TFEC: variants seen among roughly 807,000 people sequenced by gnomAD.
TFEC encodes the protein transcription factor EC.
Under a neutral mutation model 41.6 loss-of-function variants are expected in TFEC, and 31 were observed. The ratio of observed to expected loss-of-function variants is 0.74; its 90% CI spans 0.56 to 1.01. The LOEUF (loss-of-function observed/expected upper bound fraction) is 1.01, where lower values mean the gene tolerates loss of function less well. Among genes scored for constraint, TFEC ranks in the 50% least tolerant of loss-of-function variants. The probability of loss-of-function intolerance (pLI) is 0.00; values close to 1 mark genes in which losing one functional copy is unlikely to be tolerated. For synonymous variants in TFEC, 143 were observed against 140.6 expected, an observed-to-expected ratio of 1.02 and a Z score of -0.12; for missense variants, 402 against 404.1, an observed-to-expected ratio of 0.99 and a Z score of 0.04.
In TFEC at chr7:115,937,036, C is replaced by A. The variant is rs1793261703; in HGVS notation, c.*3515G>T. The A allele has an allele frequency of 6.6e-6, 1 of 151,440 alleles. No homozygotes were observed. Among genetic ancestry groups the A allele is most frequent in the African/African-American group, 2.4e-5 (1 of 41,334 alleles). The allele number at this position is 151,440 out of a possible 1,614,324, so 9.4% of individuals were successfully genotyped here. On this transcript the variant is annotated 3_prime_UTR_variant, in exon 8 of 8. Transcript: ENST00000265440. ...AAAAAATTGTAAAGAGCTGTATCTA[C>A]TCACAGGAGGTCATCATTATTTTAA...
At chr7:115,947,592 A>T (rs1791668905) in intron 6 of TFEC, among the ~76,000 whole-genome samples, 1 of 151,250 alleles carries the variant, frequency 6.6e-6, no homozygotes, top group South Asian at 2.2e-4. Flanking sequence ...TTGTTTCCTG[A>T]CTTTTTAATG....
At chr7:116,139,271 ATC>A (rs1240550022) in intron 1 of TFEC, among the ~76,000 whole-genome samples, 1 of 152,222 alleles carries the variant, frequency 6.6e-6, no homozygotes, top group Non-Finnish European at 1.5e-5. Flanking sequence ...CTGATGAATT[ATC>A]TCTTACTCAG....
chr7:115,977,840 T>C (rs1293387910), intron 2 of TFEC, among the ~76,000 whole-genome samples: 3 of 151,900 alleles, frequency 2.0e-5, no homozygotes, highest in Non-Finnish European at 4.4e-5. Flanking sequence ...GATGAGACCA[T>C]ACTAAGGTAG....
chr7:115,958,050 T>C (rs1792328173), intron 3 of TFEC, among the ~76,000 whole-genome samples: 2 of 151,888 alleles, frequency 1.3e-5, no homozygotes, highest in South Asian at 2.1e-4. Flanking sequence ...TATTTTTTCA[T>C]ATTTTTTCAT....
chr7:116,024,070 C>G (rs1447376551), intron 1 of TFEC, among the ~76,000 whole-genome samples: 1 of 152,160 alleles, frequency 6.6e-6, no homozygotes. Context: ...TATCCATCTA[C>G]TGCTTCGACA....
chr7:115,971,509 A>T (rs565803140), intron 3 of TFEC, among the ~76,000 whole-genome samples: 4 of 150,220 alleles, frequency 2.7e-5, no homozygotes, highest in Middle Eastern at 3.2e-3. Context: ...TTTTGGGGGG[A>T]AAAAAAAGGC....
chr7:116,046,448 C>A (rs1029721773), intron 3 of TFEC, among the ~76,000 whole-genome samples: 2 of 152,098 alleles, frequency 1.3e-5, no homozygotes, highest in African/African-American at 4.8e-5. Context: ...TTCATTTTAT[C>A]TCTTGCTGCG....
intron 3 of TFEC, among the ~76,000 whole-genome samples, chr7:116,095,351 ACAG>A (rs1192310380): frequency 6.6e-6 from 1 of 152,234 alleles, no homozygotes; most frequent in African/African-American, 2.4e-5. Context: ...GTTTAGGGGT[ACAG>A]GCATGCATGA....
At chr7:116,088,982 A>C (rs1174998119) in intron 3 of TFEC, among the ~76,000 whole-genome samples, 1 of 152,078 alleles carries the variant, frequency 6.6e-6, no homozygotes, top group Non-Finnish European at 1.5e-5. Flanking sequence ...AAACTTGGAC[A>C]AGTTGCTTAC....
In TFEC at chr7:115,939,334, A is replaced by T. The variant is rs1793375436; in HGVS notation, c.*1217T>A. The T allele has an allele frequency of 6.6e-6, 1 of 151,950 alleles. No individual in the cohort carries two copies. The highest frequency in any genetic ancestry group is 1.5e-5 in the Non-Finnish European group (1 of 67,944). The allele number at this position is 151,950 out of a possible 1,614,324, so 9.4% of individuals were successfully genotyped here. A position where few individuals can be genotyped will look rare whatever the true frequency, so the allele number is the denominator to read the frequency against. ...CTTGGTAACTTAATTTCCTAACCTAAAACAAGCGCAAGAGATAAAAATCTA... is the reference window on the plus strand; with the variant it reads ...CTTGGTAACTTAATTTCCTAACCTATAACAAGCGCAAGAGATAAAAATCTA... On this transcript the variant is annotated 3_prime_UTR_variant, in exon 8 of 8. Coordinates refer to ENST00000265440, the MANE Select transcript of TFEC (RefSeq NM_012252.4).
At chr7:116,035,962 AG>A (rs1297409700) in intron 3 of TFEC, among the ~76,000 whole-genome samples, 1 of 152,098 alleles carries the variant, frequency 6.6e-6, no homozygotes, top group African/African-American at 2.4e-5. Flanking sequence ...CACACAGTGG[AG>A]AAAAAAAATC....
chr7:116,126,745 A>G (rs138771320), intron 1 of TFEC, among the ~76,000 whole-genome samples: 92 of 152,226 alleles, frequency 6.0e-4, no homozygotes, highest in African/African-American at 1.9e-3. Flanking sequence ...TGAATGATAT[A>G]CCCCAGTCAA....
chr7:116,084,883 T>C (rs1257343550), intron 3 of TFEC, among the ~76,000 whole-genome samples: 1 of 151,922 alleles, frequency 6.6e-6, no homozygotes, highest in Non-Finnish European at 1.5e-5. Flanking sequence ...TTGTATCAAT[T>C]AGTAATTTTT....
Position 116,026,768 on chromosome 7 carries a change from G to A in TFEC, c.-73+3865C>T, listed in dbSNP as rs149301223. ...TGAAAGCAATGACAAAGTAAAGAAG[G>A]TTGAATATGTCTACAGAAAAATCTT... On this transcript the variant is annotated intron_variant, in intron 1 of 7. Transcript: ENST00000265440. 6.0e-4 allele frequency among the ~76,000 whole-genome samples: 91 copies of A among 152,320 alleles called. No individual in the cohort carries two copies. In the East Asian group the frequency reaches 7.3e-3, roughly 12 times the overall value.
chr7:115,950,982 A>G, intron 5 of TFEC, 33 bp from the exon 6 acceptor site: 1 of 1,362,088 alleles, frequency 7.3e-7, no homozygotes, highest in Non-Finnish European at 1.0e-6. Context: ...GATTATTCTC[A>G]TTAATGCACA....
chr7:116,055,566 A>T (rs1412693226), intron 3 of TFEC, among the ~76,000 whole-genome samples: 1 of 152,024 alleles, frequency 6.6e-6, no homozygotes, highest in African/African-American at 2.4e-5. Flanking sequence ...TATAGGAAAT[A>T]TACATGGATT....
chr7:116,017,075 T>C (rs1795219563), intron 1 of TFEC, among the ~76,000 whole-genome samples: 1 of 152,168 alleles, frequency 6.6e-6, no homozygotes, highest in Non-Finnish European at 1.5e-5. Flanking sequence ...GCCACCATCA[T>C]TGCATACTGT....
chr7:116,150,922 T>C (rs1192147170), intron 1 of TFEC, among the ~76,000 whole-genome samples: 3 of 152,178 alleles, frequency 2.0e-5, no homozygotes, highest in South Asian at 2.1e-4. Context: ...CATTAATTTT[T>C]GTATGCATCC....
chr7:115,980,232 C>T (rs1267508001), intron 2 of TFEC, among the ~76,000 whole-genome samples: 1 of 152,148 alleles, frequency 6.6e-6, no homozygotes, highest in African/African-American at 2.4e-5. Flanking sequence ...TTCCTTTCCT[C>T]ATGGAGGCAT....
Sources: gnomAD v4.1 joint callset for allele counts (sites outside exome capture counted in the v4.1 genomes callset) on GRCh38, gnomAD v4.1.1 for gene constraint, MANE v1.5 for transcripts, NCBI Gene and HGNC (gene_info 2026-07-23, HGNC 2026-07-21) for gene names.